Variants in GBE1 observed in about 807,000 individuals in gnomAD.
GBE1 encodes 1,4-alpha-glucan branching enzyme 1.
A neutral mutation model predicts 88.8 loss-of-function variants in GBE1; 70 were observed. The observed-to-expected ratio is 0.79, with a 90% confidence interval of 0.65 to 0.96. The LOEUF (loss-of-function observed/expected upper bound fraction) is 0.96. GBE1 is among the 40% of genes least tolerant of loss of function. The pLI is 0.00. For synonymous variants in GBE1, 284 were observed against 300.1 expected (o/e 0.95, Z 0.56); for missense variants, 872 against 871.0 (o/e 1.00, Z -0.01).
chr3:81,700,288 G>T (rs1180541713), intron 2 of GBE1, among the ~76,000 whole-genome samples: 1 of 152,150 alleles, frequency 6.6e-6, no homozygotes, highest in Non-Finnish European at 1.5e-5. Context: ...CCCCGAACCA[G>T]AAACGGCTTC....
chr3:81,652,813 A>T (rs1389123875), intron 3 of GBE1, among the ~76,000 whole-genome samples: 2 of 152,238 alleles, frequency 1.3e-5, no homozygotes, highest in Non-Finnish European at 2.9e-5. Flanking sequence ...AGACAATGCA[A>T]AGAGTAAAGA....
intron 7 of GBE1, among the ~76,000 whole-genome samples, chr3:81,616,553 A>G (rs934033307): frequency 1.3e-5 from 2 of 152,076 alleles, no homozygotes; most frequent in Admixed American, 1.3e-4. Flanking sequence ...TGTTCCATCA[A>G]TATGTCTATC....
At chr3:81,691,012 T>C (rs1450142041) in intron 2 of GBE1, among the ~76,000 whole-genome samples, 1 of 152,032 alleles carries the variant, frequency 6.6e-6, no homozygotes, top group Non-Finnish European at 1.5e-5. Context: ...TCGTACTTCC[T>C]GTGGAGCACT....
At chr3:81,709,075 TA>T (rs1372198070) in intron 1 of GBE1, among the ~76,000 whole-genome samples, 1 of 152,224 alleles carries the variant, frequency 6.6e-6, no homozygotes, top group African/African-American at 2.4e-5. Flanking sequence ...AAGCCTCATC[TA>T]AAAGCACAGC....
rs1351315789 is a variant in GBE1 at position 81,715,904 on chromosome 3, CATT to C, written c.144-10294_144-10292del. Among the ~76,000 whole-genome samples the C allele has an allele frequency of 3.8e-4, 58 of 152,160 alleles. 2 individuals carry two copies. Among genetic ancestry groups the C allele is most frequent in the Admixed American group, 3.6e-3 (55 of 15,276 alleles). On this transcript the variant is annotated intron_variant, in intron 1 of 15. Coordinates refer to ENST00000429644, the MANE Select transcript of GBE1 (RefSeq NM_000158.4). ...AAATTATTAACTACTTTCAGCAAAT[CATT>C]AGTCTCCAATTTCTAAGTAGAAAAC...
intron 6 of GBE1, among the ~76,000 whole-genome samples, chr3:81,645,764 G>A (rs1052686407): frequency 6.6e-6 from 1 of 152,100 alleles, no homozygotes; most frequent in Admixed American, 6.6e-5. Context: ...ATAGTTCCCT[G>A]TCATTTTCAT....
In GBE1 at chr3:81,712,001, A is replaced by C. The variant is rs574835297; in HGVS notation, c.144-6388T>G. Among the ~76,000 whole-genome samples, 30 of 152,364 alleles carry C rather than the reference A, an allele frequency of 2.0e-4. 1 individual carries two copies. The highest frequency in any genetic ancestry group is 1.8e-3 in the Admixed American group (28 of 15,312). ...CAAGAAGTGGGCGAAGGATATGAAC[A>C]GATACTTCTCAAAAGAAGACATTTA... On this transcript the variant is annotated intron_variant, in intron 1 of 15. Coordinates refer to ENST00000429644, the MANE Select transcript of GBE1 (RefSeq NM_000158.4).
intron 7 of GBE1, among the ~76,000 whole-genome samples, chr3:81,617,103 G>A (rs1251642973): frequency 2.4e-5 from 2 of 83,366 alleles, no homozygotes; most frequent in Non-Finnish European, 4.3e-5. Context: ...AATTCTGGAG[G>A]GGTTTGTTTA....
chr3:81,647,945 C>T (rs1704789735), intron 5 of GBE1, among the ~76,000 whole-genome samples: 1 of 152,054 alleles, frequency 6.6e-6, no homozygotes, highest in South Asian at 2.1e-4. Context: ...TCTGCAAGAA[C>T]TGGGTCATAA....
intron 2 of GBE1, among the ~76,000 whole-genome samples, chr3:81,689,608 C>T (rs981195293): frequency 6.6e-6 from 1 of 152,156 alleles, no homozygotes; most frequent in African/African-American, 2.4e-5. Flanking sequence ...CATAAAATAG[C>T]CCGCAAGGCC....
chr3:81,565,180 T>C (rs1357606379), intron 12 of GBE1, among the ~76,000 whole-genome samples: 1 of 152,162 alleles, frequency 6.6e-6, no homozygotes, highest in Non-Finnish European at 1.5e-5. Flanking sequence ...CTTCAAGCCA[T>C]TTACAACTGC....
At chr3:81,698,543 T>C (rs1452413867) in intron 2 of GBE1, among the ~76,000 whole-genome samples, 1 of 152,236 alleles carries the variant, frequency 6.6e-6, no homozygotes, top group Non-Finnish European at 1.5e-5. Flanking sequence ...TTCAAAATAC[T>C]TTTTAAAACT....
In GBE1 at chr3:81,761,509, A is replaced by T; in HGVS notation, c.9T>A (p.Ala3=). The change falls in exon 1 of 16, where the codon GCT becomes GCA. Residue 3 remains alanine, a synonymous_variant. Coordinates refer to ENST00000429644, the MANE Select transcript of GBE1 (RefSeq NM_000158.4). MA[A]PMTPAARPED... ...CGGGCCGAGCCGCGGGAGTCATCGG[A>T]GCCGCCATATTCCGCCGCAGTCCAA... 6.2e-7 allele frequency: 1 copy of T among 1,602,512 alleles called. No individual in the cohort carries two copies.
chr3:81,715,822 G>A (rs1299505757), intron 1 of GBE1, among the ~76,000 whole-genome samples: 3 of 151,790 alleles, frequency 2.0e-5, no homozygotes, highest in African/African-American at 7.3e-5. Flanking sequence ...ATTATTTTAT[G>A]ACACGTTACA....
Position 81,699,621 on chromosome 3 carries a change from T to G in GBE1, c.313+5823A>C, listed in dbSNP as rs116173571. Among the ~76,000 whole-genome samples, 1,389 of 152,288 alleles carry G rather than the reference T, an allele frequency of 9.1e-3. 20 individuals are homozygous for G. Among genetic ancestry groups the G allele is most frequent in the African/African-American group, 0.028 (1,163 of 41,570 alleles). ...TTTGGAGTCTGACGTTCAAGGGCTTTAAGCATCCAGCATGGGAGAAAGATG... is the reference window on the plus strand; with the variant it reads ...TTTGGAGTCTGACGTTCAAGGGCTTGAAGCATCCAGCATGGGAGAAAGATG... On this transcript the variant is annotated intron_variant, in intron 2 of 15. Coordinates refer to ENST00000429644, the MANE Select transcript of GBE1 (RefSeq NM_000158.4).
At chr3:81,640,214 T>C (rs574386345) in intron 7 of GBE1, among the ~76,000 whole-genome samples, 1 of 151,932 alleles carries the variant, frequency 6.6e-6, no homozygotes, top group Non-Finnish European at 1.5e-5. Context: ...TCTGTAAGGG[T>C]GTTGCCAAAG....
chr3:81,627,745 A>G (rs1366931279), intron 7 of GBE1, among the ~76,000 whole-genome samples: 1 of 82,684 alleles, frequency 1.2e-5, no homozygotes, highest in Non-Finnish European at 2.2e-5. Context: ...TATATATTTT[A>G]CATATATATA....
intron 10 of GBE1, among the ~76,000 whole-genome samples, chr3:81,582,241 T>C (rs953349984): frequency 6.6e-6 from 1 of 152,164 alleles, no homozygotes; most frequent in South Asian, 2.1e-4. Context: ...CAACCATCCA[T>C]AGATGTTCAC....
At chr3:81,567,152 C>T (rs1435784092) in intron 12 of GBE1, among the ~76,000 whole-genome samples, 1 of 152,182 alleles carries the variant, frequency 6.6e-6, no homozygotes, top group Non-Finnish European at 1.5e-5. Flanking sequence ...CCACTGGCAA[C>T]TTATTTGTCC....
Sources: gnomAD v4.1 joint callset for allele counts (sites outside exome capture counted in the v4.1 genomes callset) on GRCh38, gnomAD v4.1.1 for gene constraint, MANE v1.5 for transcripts, NCBI Gene and HGNC (gene_info 2026-07-23, HGNC 2026-07-21) for gene names.